Variants in RASSF8 observed in about 807,000 individuals in gnomAD.
RASSF8 encodes the protein ras association domain-containing protein 8.
In RASSF8, 22 loss-of-function variants were observed where a neutral mutation model predicts 48.5. That is an observed-to-expected ratio of 0.45 (90% confidence interval 0.32 to 0.65). The LOEUF is 0.65. Among genes scored for constraint, RASSF8 ranks in the 30% least tolerant of loss-of-function variants. The pLI, the probability that RASSF8 is intolerant of heterozygous loss-of-function variation, is 0.03. For missense variants in RASSF8, 418 were observed against 489.2 expected (o/e 0.85, Z 1.37); for synonymous variants, 127 against 171.5 (o/e 0.74, Z 2.03).
intron 1 of RASSF8, among the ~76,000 whole-genome samples, chr12:25,975,553 A>G (rs1431314498): frequency 1.3e-5 from 2 of 152,226 alleles, no homozygotes; most frequent in Admixed American, 1.3e-4. Flanking sequence ...CTGTGTTTAT[A>G]TTCACTCTAC....
At chr12:25,992,835 C>T (rs183129220) in intron 1 of RASSF8, among the ~76,000 whole-genome samples, 4 of 152,262 alleles carry the variant, frequency 2.6e-5, no homozygotes, top group Admixed American at 2.0e-4. Flanking sequence ...GCACACCTGC[C>T]AGAGCTCATG....
intron 2 of RASSF8, among the ~76,000 whole-genome samples, 192 bp downstream of exon 2, chr12:25,995,322 G>A (rs1942108438): frequency 6.6e-6 from 1 of 152,146 alleles, no homozygotes; most frequent in Admixed American, 6.5e-5. Context: ...GATAGTATCT[G>A]TTACCACTGC....
chr12:26,066,349 T>C (rs563678632), intron 4 of RASSF8, among the ~76,000 whole-genome samples: 59 of 152,314 alleles, frequency 3.9e-4, no homozygotes, highest in African/African-American at 1.4e-3. Flanking sequence ...AATACCTGTG[T>C]ACAGTGAGGT....
chr12:25,958,899 C>G lies in RASSF8; in HGVS notation c.-452C>G, dbSNP rs1184817014. The G allele has an allele frequency of 6.8e-6, 1 of 147,020 alleles. No individual in the cohort carries two copies. The highest frequency in any genetic ancestry group is 1.5e-5 in the Non-Finnish European group (1 of 65,976). The allele number at this position is 147,020 out of a possible 1,614,324, so 9.1% of individuals were successfully genotyped here. A position where few individuals can be genotyped will look rare whatever the true frequency, so the allele number is the denominator to read the frequency against. ...TGCCGCTGGCCGAGCGCTCGCGCAC[C>G]GCGGCACCCCCGCCAGTGGCGTCCA... On this transcript the variant is annotated 5_prime_UTR_variant, in exon 1 of 6. Coordinates refer to ENST00000689635, the MANE Select transcript of RASSF8 (RefSeq NM_001394098.1).
At chr12:25,967,782 GC>G (rs1941392248) in intron 1 of RASSF8, among the ~76,000 whole-genome samples, 1 of 152,168 alleles carries the variant, frequency 6.6e-6, no homozygotes, top group African/African-American at 2.4e-5. Flanking sequence ...GAACTGGGAG[GC>G]AGGACAGGCC....
intron 1 of RASSF8, among the ~76,000 whole-genome samples, chr12:25,968,237 A>T (rs1941403455): frequency 6.6e-6 from 1 of 152,198 alleles, no homozygotes; most frequent in Non-Finnish European, 1.5e-5. Context: ...TTCAGCCCTA[A>T]TATAACTGAA....
intron 2 of RASSF8, among the ~76,000 whole-genome samples, chr12:26,052,090 G>C (rs1426557320): frequency 6.6e-6 from 1 of 152,226 alleles, no homozygotes; most frequent in Non-Finnish European, 1.5e-5. Context: ...TCAGCTGGGA[G>C]CGTGTGTGTC....
At chr12:26,065,824 C>G (rs571056851) in intron 4 of RASSF8, among the ~76,000 whole-genome samples, 10 of 152,300 alleles carry the variant, frequency 6.6e-5, no homozygotes, top group Middle Eastern at 3.4e-3. Context: ...CGTCCCTTCT[C>G]CCCTCTCCAC....
At chr12:26,073,020 T>C (rs1944029854), downstream of RASSF8, 1 of 200,712 alleles carries the variant, frequency 5.0e-6, no homozygotes, top group South Asian at 1.7e-4. Context: ...GCTCCAAAGA[T>C]GGCTTCATCA....
At chr12:26,025,545 A>G (rs1278147542) in intron 2 of RASSF8, among the ~76,000 whole-genome samples, 1 of 144,338 alleles carries the variant, frequency 6.9e-6, no homozygotes, top group Non-Finnish European at 1.5e-5. Context: ...CCTGGGCGAC[A>G]GAGTGAGACT....
chr12:26,046,068 C>G (rs943115890), intron 2 of RASSF8, among the ~76,000 whole-genome samples: 1 of 152,162 alleles, frequency 6.6e-6, no homozygotes, highest in African/African-American at 2.4e-5. Flanking sequence ...TCCTGCTTTA[C>G]TGAGATGAGA....
chr12:26,035,021 C>T (rs951467942), intron 2 of RASSF8, among the ~76,000 whole-genome samples: 30 of 152,106 alleles, frequency 2.0e-4, no homozygotes, highest in Non-Finnish European at 4.4e-5. Context: ...GGTGATTACT[C>T]TGGTGTTGCC....
In RASSF8 at chr12:26,071,137, T is replaced by C. The variant is rs779188371; in HGVS notation, c.*2319T>C. ...AGAAGCTGTACTTTTTAATTAGTTA[T>C]ATTACTTCTGGAAGCACATATCTAA... On this transcript the variant is annotated 3_prime_UTR_variant, in exon 6 of 6. Coordinates refer to ENST00000689635, the MANE Select transcript of RASSF8 (RefSeq NM_001394098.1). 20 of 975,588 alleles carry C rather than the reference T, an allele frequency of 2.1e-5. No homozygotes were observed. Among genetic ancestry groups the C allele is most frequent in the Non-Finnish European group, 2.3e-5 (19 of 821,090 alleles). 60.4% of individuals were successfully genotyped at this position (975,588 alleles called of 1,614,324 possible).
At chr12:26,052,566 T>C (rs571089390) in intron 2 of RASSF8, 1 of 152,344 alleles carries the variant, frequency 6.6e-6, no homozygotes, top group East Asian at 1.9e-4. Flanking sequence ...AGGTCTTTAG[T>C]CTGAACGATG....
chr12:25,979,668 G>T (rs2136901055), intron 1 of RASSF8, among the ~76,000 whole-genome samples: 1 of 152,244 alleles, frequency 6.6e-6, no homozygotes, highest in South Asian at 2.1e-4. Context: ...ACTCACATAG[G>T]TAAGAAGTGG....
chr12:25,981,093 A>G (rs1941731570), intron 1 of RASSF8, among the ~76,000 whole-genome samples: 1 of 151,876 alleles, frequency 6.6e-6, no homozygotes, highest in Admixed American at 6.6e-5. Flanking sequence ...GTCCTGGCTC[A>G]CTCCTGTTGT....
downstream of RASSF8, among the ~76,000 whole-genome samples, chr12:26,073,730 A>ACTCTCT (rs1555171917): frequency 0.14 from 18,683 of 137,978 alleles, 2,886 homozygotes; most frequent in African/African-American, 0.38. Context: ...CAAAAGCGAG[A>ACTCTCT]CTCTCTCTCT....
chr12:26,057,899 T>C (rs983535947), intron 3 of RASSF8, among the ~76,000 whole-genome samples: 4 of 152,226 alleles, frequency 2.6e-5, no homozygotes, highest in Admixed American at 6.5e-5. Context: ...CATTTTTTCA[T>C]GTGTCTGTTG....
chr12:25,983,297 TA>T (rs1447005479), intron 1 of RASSF8, among the ~76,000 whole-genome samples: 2 of 152,146 alleles, frequency 1.3e-5, no homozygotes, highest in African/African-American at 4.8e-5. Context: ...AATTGGAATT[TA>T]AAAACCAGCA....
Sources: allele counts gnomAD v4.1 joint callset (sites outside exome capture counted in the v4.1 genomes callset), GRCh38; gene constraint gnomAD v4.1.1; transcripts MANE v1.5; gene names NCBI Gene and HGNC (gene_info 2026-07-23, HGNC 2026-07-21).